Variants in C8orf74 observed in about 807,000 individuals in gnomAD.
C8orf74 encodes uncharacterized protein C8orf74.
A neutral mutation model predicts 22.2 loss-of-function variants in C8orf74; 29 were observed. That is an observed-to-expected ratio of 1.31 (90% CI 0.97 to 1.78). C8orf74 has a LOEUF of 1.78. C8orf74 is among the 40% of genes most tolerant of loss of function. C8orf74 has a pLI of 0.00. For synonymous variants in C8orf74, 255 were observed against 163.1 expected, an observed-to-expected ratio of 1.56 and a Z score of -4.30; for missense variants, 515 against 369.9, an observed-to-expected ratio of 1.39 and a Z score of -3.22.
At chr8:10,698,236 G>C (rs1240632379) in intron 3 of C8orf74, among the ~76,000 whole-genome samples, 1 of 152,186 alleles carries the variant, frequency 6.6e-6, no homozygotes, top group African/African-American at 2.4e-5. Context: ...ACTCGCCAAG[G>C]TCACCAAGCT....
intron 2 of C8orf74, chr8:10,690,971 G>T (rs1472892069): frequency 2.2e-6 from 1 of 455,914 alleles, no homozygotes; most frequent in Non-Finnish European, 4.4e-6. Context: ...TGCAGGCACA[G>T]ATCTGTCCGC....
rs78132266 is a variant in C8orf74 at position 10,690,712 on chromosome 8, C to A, written c.242-6887C>A. On this transcript the variant is annotated intron_variant, in intron 2 of 3. Coordinates refer to ENST00000304519, the MANE Select transcript of C8orf74 (RefSeq NM_001040032.2). ...CCCCCGGCTCGCCCAGCCCAGACTC[C>A]GGGTATGAGGGCCCAAGGAAGCCAC... 6.6e-5 allele frequency among the ~76,000 whole-genome samples: 10 copies of A among 152,248 alleles called. No individual in the cohort carries two copies. The South Asian group carries it at 2.1e-3, about 32-fold the overall frequency.
At chr8:10,672,996 G>A (rs892818366) in intron 1 of C8orf74, among the ~76,000 whole-genome samples, 1 of 152,214 alleles carries the variant, frequency 6.6e-6, no homozygotes, top group African/African-American at 2.4e-5. Flanking sequence ...GGGACCCTGA[G>A]GGTCCTGCGA....
At chr8:10,689,372 T>G (rs1163284612) in intron 2 of C8orf74, 1 of 152,226 alleles carries the variant, frequency 6.6e-6, no homozygotes, top group Non-Finnish European at 1.5e-5. Flanking sequence ...AGAGACTACT[T>G]GCCCCAAATA....
chr8:10,698,391 G>C (rs1023552041), intron 3 of C8orf74, among the ~76,000 whole-genome samples: 3 of 152,138 alleles, frequency 2.0e-5, no homozygotes, highest in African/African-American at 7.2e-5. Context: ...AGATTATCCA[G>C]AGCCGGCATG....
Position 10,700,331 on chromosome 8 carries a change from G to A in C8orf74, c.745G>A (p.Asp249Asn), listed in dbSNP as rs768226569. 4.3e-6 allele frequency: 7 copies of A among 1,613,718 alleles called. No individual in the cohort carries two copies. The highest frequency in any genetic ancestry group is 1.6e-4 in the Middle Eastern group (1 of 6,082). The change falls in exon 4 of 4, where the codon GAC (aspartate) becomes AAC (asparagine). Residue 249 changes from aspartate to asparagine, a missense_variant. Coordinates refer to ENST00000304519, the MANE Select transcript of C8orf74 (RefSeq NM_001040032.2). ...RQIQNTFAIL[D>N]LKLQKKTLNL... ...GATCCAGAACACATTCGCCATCTTG[G>A]ACCTGAAGCTTCAGAAGAAGACTCT...
intron 3 of C8orf74, among the ~76,000 whole-genome samples, chr8:10,698,522 G>C (rs1176779569): frequency 1.3e-5 from 2 of 152,088 alleles, no homozygotes; most frequent in East Asian, 3.9e-4. Context: ...AGGATCCGGT[G>C]CCTGGATCTC....
intron 2 of C8orf74, chr8:10,688,652 T>A (rs1799312068): frequency 6.6e-6 from 1 of 152,296 alleles, no homozygotes; most frequent in South Asian, 2.1e-4. Flanking sequence ...GGCAGGAGGA[T>A]GATGCATCTC....
intron 2 of C8orf74, among the ~76,000 whole-genome samples, chr8:10,687,442 G>C (rs966782870): frequency 1.3e-5 from 2 of 151,972 alleles, no homozygotes; most frequent in Non-Finnish European, 2.9e-5. Flanking sequence ...CTGAGATCAG[G>C]AGTTCAAGAC....
In C8orf74 at chr8:10,697,846, C is replaced by T. The variant is rs1799560826; in HGVS notation, c.489C>T (p.Ile163=). 1.2e-6 allele frequency: 2 copies of T among 1,613,432 alleles called. No individual in the cohort carries two copies. The highest frequency in any genetic ancestry group is 1.7e-5 in the Admixed American group (1 of 59,992). ...AGGGCATGGACAGGGACTTGTGGAT[C>T]CACGAGCAGCAGGTGGCCACACTGA... The part of the protein sequence containing the change: ...LAEGMDRDLW[I]HEQQVATLTE... The change falls in exon 3 of 4, where the codon ATC becomes ATT. Residue 163 remains isoleucine (I), a synonymous_variant. Coordinates refer to ENST00000304519, the MANE Select transcript of C8orf74 (RefSeq NM_001040032.2).
At chr8:10,681,376 C>G (rs182937002) in intron 2 of C8orf74, among the ~76,000 whole-genome samples, 2 of 152,140 alleles carry the variant, frequency 1.3e-5, no homozygotes, top group Non-Finnish European at 2.9e-5. Context: ...CACAGAGGGG[C>G]GGGAGTCTTC....
chr8:10,678,897 A>G (rs1799089247), intron 2 of C8orf74, among the ~76,000 whole-genome samples: 1 of 152,218 alleles, frequency 6.6e-6, no homozygotes, highest in Admixed American at 6.5e-5. Context: ...CGTCCTAGTC[A>G]GCACCTGTGT....
chr8:10,698,071 G>C (rs1365934300), intron 3 of C8orf74, 66 bp downstream of exon 3: 2 of 1,415,972 alleles, frequency 1.4e-6, no homozygotes, highest in East Asian at 5.0e-5. Flanking sequence ...CAGGGCTGGA[G>C]TCACTGCAGA....
chr8:10,688,551 TC>T (rs1177164650), intron 2 of C8orf74: 8 of 152,390 alleles, frequency 5.2e-5, no homozygotes, highest in African/African-American at 1.9e-4. Context: ...GTCCAGGTGT[TC>T]CCTAGGCGCA....
In C8orf74 at chr8:10,698,063, G is replaced by C. The variant is rs1020779717; in HGVS notation, c.648+58G>C. The C allele has an allele frequency of 2.8e-6, 4 of 1,418,820 alleles. No homozygotes were observed. In the African/African-American group the frequency reaches 4.3e-5, roughly 15 times the overall value. 87.9% of individuals were successfully genotyped at this position (1,418,820 alleles called of 1,614,324 possible). A position where few individuals can be genotyped will look rare whatever the true frequency, so the allele number is the denominator to read the frequency against. ...CCTGGGCCTGCAGAGACACCAGCCA[G>C]GGCTGGAGTCACTGCAGATGGGAGC... On this transcript the variant is annotated intron_variant, in intron 3 of 3. Coordinates refer to ENST00000304519, the MANE Select transcript of C8orf74 (RefSeq NM_001040032.2).
intron 2 of C8orf74, among the ~76,000 whole-genome samples, chr8:10,695,671 C>G (rs1196693026): frequency 1.3e-5 from 2 of 152,080 alleles, no homozygotes; most frequent in African/African-American, 4.8e-5. Context: ...GGGGAGACTT[C>G]AAAACAACCT....
At chr8:10,696,603 A>G (rs1228559127) in intron 2 of C8orf74, among the ~76,000 whole-genome samples, 2 of 151,606 alleles carry the variant, frequency 1.3e-5, no homozygotes, top group African/African-American at 4.8e-5. Context: ...ACCTGCCACT[A>G]CACTCAGCTA....
chr8:10,697,983 C>G lies in C8orf74; in HGVS notation c.626C>G (p.Pro209Arg), dbSNP rs748100321. 8.7e-6 allele frequency: 13 copies of G among 1,502,658 alleles called. No homozygotes were observed. The African/African-American group carries it at 1.2e-4, about 14-fold the overall frequency. 93.1% of individuals were successfully genotyped at this position (1,502,658 alleles called of 1,614,324 possible). Residue 209 changes from proline (P) to arginine (R), a missense_variant, in exon 3 of 4, where the codon CCC becomes CGC. Coordinates refer to ENST00000304519, the MANE Select transcript of C8orf74 (RefSeq NM_001040032.2). Reference protein sequence around the residue: ...KAFAAAAPAQPGQVLERQELE... With the variant: ...KAFAAAAPAQRGQVLERQELE... The stretch of plus-strand genomic sequence containing the variant: ...TTCGCTGCCGCCGCGCCTGCGCAGC[C>G]CGGCCAGGTCCTGGAGAGACAGGTG...
chr8:10,697,766 C>T lies in C8orf74; in HGVS notation c.409C>T (p.Leu137=). ...CCTGGGCCAGGACCAGCAGGTCGAC[C>T]TGACCGTTGCCCACCTGGAGGTGTG... ...YVLGQDQQVD[L]TVAHLEVCMP... Residue 137 remains leucine, a synonymous_variant, in exon 3 of 4, where the codon CTG becomes TTG. Coordinates refer to ENST00000304519, the MANE Select transcript of C8orf74 (RefSeq NM_001040032.2). 1 of 1,614,066 alleles carries T rather than the reference C, an allele frequency of 6.2e-7. No homozygotes were observed. Among genetic ancestry groups the T allele is most frequent in the Non-Finnish European group, 8.5e-7 (1 of 1,179,906 alleles).
Sources: allele counts gnomAD v4.1 joint callset (sites outside exome capture counted in the v4.1 genomes callset), GRCh38; gene constraint gnomAD v4.1.1; transcripts MANE v1.5; gene names NCBI Gene and HGNC (gene_info 2026-07-23, HGNC 2026-07-21).